The following NECTIN2 variants were observed in gnomAD, a reference collection of about 807,000 sequenced individuals.
NECTIN2 encodes the protein nectin-2.
NECTIN2 carries 23 observed loss-of-function variants against 56.9 expected under a neutral mutation model. The observed-to-expected ratio is 0.40, with a 90% CI of 0.29 to 0.57. The LOEUF (loss-of-function observed/expected upper bound fraction) is 0.57. Among genes scored for constraint, NECTIN2 ranks in the 20% least tolerant of loss-of-function variants. The pLI is 0.38. For synonymous variants in NECTIN2, 302 were observed against 313.8 expected (o/e 0.96, Z 0.40); for missense variants, 587 against 718.3 (o/e 0.82, Z 2.09).
intron 8 of NECTIN2, among the ~76,000 whole-genome samples, chr19:44,887,219 T>C (rs1049422691): frequency 1.3e-5 from 2 of 151,876 alleles, no homozygotes; most frequent in African/African-American, 4.8e-5. Context: ...ATGGGTGACA[T>C]GCTCCTGTAA....
chr19:44,847,473 G>A (rs542607884), intron 1 of NECTIN2, among the ~76,000 whole-genome samples: 1 of 152,234 alleles, frequency 6.6e-6, no homozygotes, highest in East Asian at 1.9e-4. Context: ...TTAATTGTAG[G>A]CAGAGGAACG....
chr19:44,882,363 G>T lies in NECTIN2; in HGVS notation c.1195G>T (p.Asp399Tyr). 7.0e-7 allele frequency: 1 copy of T among 1,436,454 alleles called. No homozygotes were observed. The highest frequency in any genetic ancestry group is 2.7e-5 in the East Asian group (1 of 36,536). The allele number at this position is 1,436,454 out of a possible 1,614,324, so 89.0% of individuals were successfully genotyped here. A position where few individuals can be genotyped will look rare whatever the true frequency, so the allele number is the denominator to read the frequency against. ...QTLQGAEEDEDLEGPPSYKPP... is the reference protein window; with the variant it reads ...QTLQGAEEDEYLEGPPSYKPP... ...GCTGCAGGGGGCAGAGGAGGACGAA[G>T]AGTAAGTGATGGGCCCTGAGACGGG... Residue 399 changes from aspartate (D) to tyrosine (Y), a missense_variant and splice_region_variant, in exon 6 of 9, where the codon GAC becomes TAC. Transcript: ENST00000252483.
chr19:44,862,764 C>T (rs1488297197), intron 1 of NECTIN2, among the ~76,000 whole-genome samples: 1 of 152,122 alleles, frequency 6.6e-6, no homozygotes, highest in Non-Finnish European at 1.5e-5. Context: ...CCTATAATCC[C>T]AGCACTTTGG....
chr19:44,873,560 G>A (rs751211488), intron 3 of NECTIN2, among the ~76,000 whole-genome samples: 20 of 152,180 alleles, frequency 1.3e-4, no homozygotes, highest in Middle Eastern at 3.4e-3. Flanking sequence ...TTGAGCCCAG[G>A]ACGTGGAGTT....
At chr19:44,881,580 C>T (rs958031875) in intron 5 of NECTIN2, among the ~76,000 whole-genome samples, 21 of 151,762 alleles carry the variant, frequency 1.4e-4, no homozygotes, top group African/African-American at 2.9e-4. Context: ...CCAGCCACTC[C>T]GGAGGGTGAG....
intron 2 of NECTIN2, among the ~76,000 whole-genome samples, chr19:44,869,054 G>A (rs181625364): frequency 3.3e-5 from 5 of 152,180 alleles, no homozygotes; most frequent in Non-Finnish European, 7.4e-5. Context: ...CTATCCTTGA[G>A]TAAACACTTC....
chr19:44,865,452 T>C lies in NECTIN2; in HGVS notation c.270T>C (p.Gly90=). 1 of 1,613,950 alleles carries C rather than the reference T, an allele frequency of 6.2e-7. No homozygotes were observed. The highest frequency in any genetic ancestry group is 1.1e-5 in the South Asian group (1 of 91,072). ...QNVAAFHPKM[G]PSFPSPKPGS... ...TGGCCGCCTTCCACCCTAAGATGGG[T>C]CCCAGCTTCCCCAGCCCGAAGCCTG... The change falls in exon 2 of 9, where the codon GGT becomes GGC. Residue 90 remains glycine, a synonymous_variant. Coordinates refer to ENST00000252483, the MANE Select transcript of NECTIN2 (RefSeq NM_001042724.2). This position sits in a 1 kb window ranked among gnomAD's most constrained non-coding sequence, Gnocchi z 5.2.
intron 1 of NECTIN2, among the ~76,000 whole-genome samples, chr19:44,861,512 T>G (rs1969031258): frequency 6.6e-6 from 1 of 152,190 alleles, no homozygotes; most frequent in South Asian, 2.1e-4. Context: ...AAATGGGATC[T>G]AATTAAACTA....
Position 44,885,978 on chromosome 19 carries a change from C to T in NECTIN2, c.1238C>T (p.Ala413Val), listed in dbSNP as rs762809930. The change falls in exon 7 of 9, where the codon GCG becomes GTG. Residue 413 changes from alanine (A) to valine (V), a missense_variant. Coordinates refer to ENST00000252483, the MANE Select transcript of NECTIN2 (RefSeq NM_001042724.2). Reference sequence around the variant, plus strand: ...TCCTACAAGCCACCGACCCCAAAAGCGAAGCTGGAGGCACAGGAGATGGTG... The same window carrying T: ...TCCTACAAGCCACCGACCCCAAAAGTGAAGCTGGAGGCACAGGAGATGGTG... Reference protein sequence around the residue: ...PPSYKPPTPKAKLEAQEMPSQ... With the variant: ...PPSYKPPTPKVKLEAQEMPSQ... 60 of 1,603,986 alleles carry T rather than the reference C, an allele frequency of 3.7e-5. No individual in the cohort carries two copies. Among genetic ancestry groups the T allele is most frequent in the African/African-American group, 2.5e-4 (19 of 74,634 alleles).
intron 8 of NECTIN2, 41 bp from the exon 9 acceptor site, chr19:44,888,069 T>C: frequency 6.3e-7 from 1 of 1,591,302 alleles, no homozygotes; most frequent in Non-Finnish European, 8.6e-7. Context: ...GTGTCGTGCG[T>C]AGGAAGTGAT....
chr19:44,878,151 TC>T (rs904815428), intron 5 of NECTIN2: 6 of 413,354 alleles, frequency 1.5e-5, no homozygotes, highest in African/African-American at 1.1e-4. Flanking sequence ...ACCCCCTCAC[TC>T]CCCAGAGCGA....
At chr19:44,884,520 T>C (rs965662028) in intron 6 of NECTIN2, among the ~76,000 whole-genome samples, 2 of 152,200 alleles carry the variant, frequency 1.3e-5, no homozygotes, top group Admixed American at 6.5e-5. Context: ...GTTACACCAC[T>C]GTCTTAATCA....
chr19:44,874,134 G>T lies in NECTIN2; in HGVS notation c.893+101G>T. The stretch of plus-strand genomic sequence containing the variant: ...GAGGGGCTGGGGGCCTGGACTCCTG[G>T]ATCTGAGGGAGGAGGGGCTGGGCCT... On this transcript the variant is annotated intron_variant, in intron 4 of 8. Coordinates refer to ENST00000252483, the MANE Select transcript of NECTIN2 (RefSeq NM_001042724.2). The surrounding 1 kb of genome is among the most constrained non-coding windows in gnomAD (Gnocchi z 6.3). The T allele has an allele frequency of 8.2e-7, 1 of 1,215,006 alleles. No homozygotes were observed. The highest frequency in any genetic ancestry group is 1.2e-6 in the Non-Finnish European group (1 of 866,062). 75.3% of individuals were successfully genotyped at this position (1,215,006 alleles called of 1,614,324 possible).
At chr19:44,866,173 TAA>T (rs57550705) in intron 2 of NECTIN2, among the ~76,000 whole-genome samples, 22 of 143,108 alleles carry the variant, frequency 1.5e-4, no homozygotes, top group Non-Finnish European at 2.3e-4. Flanking sequence ...AGACTCGGTC[TAA>T]AAAAAAAAAA....
rs192623646 is a variant in NECTIN2 at position 44,867,681 on chromosome 19, G to T, written c.478+2021G>T. 2.6e-5 allele frequency among the ~76,000 whole-genome samples: 4 copies of T among 152,308 alleles called. No homozygotes were observed. The East Asian group carries it at 7.7e-4, about 29-fold the overall frequency. On this transcript the variant is annotated intron_variant, in intron 2 of 8. Transcript: ENST00000252483. ...GAGGTGGGCATGAGATGGGAGCTGGGCGCGTTCCAGGAATGGAAAGGGGGC... is the reference window on the plus strand; with the variant it reads ...GAGGTGGGCATGAGATGGGAGCTGGTCGCGTTCCAGGAATGGAAAGGGGGC...
rs41290104 is a variant in NECTIN2, at chr19:44,871,907, C to G, written c.533C>G (p.Thr178Arg). The G allele has an allele frequency of 4.3e-6, 7 of 1,614,186 alleles. No individual in the cohort carries two copies. The highest frequency in any genetic ancestry group is 5.9e-6 in the Non-Finnish European group (7 of 1,180,026). Residue 178 changes from threonine (T) to arginine (R), a missense_variant, in exon 3 of 9, where the codon ACG becomes AGG. Thr to Arg is a moderately conservative substitution (Grantham distance 71). Coordinates refer to ENST00000252483, the MANE Select transcript of NECTIN2 (RefSeq NM_001042724.2). ...AQKVTFSQDP[T>R]TVALCISKEG... ...AAGGTCACGTTCAGCCAGGACCCTACGACAGTGGCCCTCTGCATCTCCAAA... is the reference window on the plus strand; with the variant it reads ...AAGGTCACGTTCAGCCAGGACCCTAGGACAGTGGCCCTCTGCATCTCCAAA...
chr19:44,858,125 G>T (rs139127126), intron 1 of NECTIN2, among the ~76,000 whole-genome samples: 15 of 152,172 alleles, frequency 9.9e-5, no homozygotes, highest in Admixed American at 5.9e-4. Flanking sequence ...GATACATTTC[G>T]CATAGCTCAG....
In NECTIN2 at chr19:44,846,524, C is replaced by T. The variant is rs765310015; in HGVS notation, c.-2C>T. On this transcript the variant is annotated 5_prime_UTR_variant, in exon 1 of 9. Coordinates refer to ENST00000252483, the MANE Select transcript of NECTIN2 (RefSeq NM_001042724.2). ...CGGGCCCAGTCCCCTCCCGGGCCCT[C>T]CATGGCCCGGGCCGCTGCCCTCCTG... 91 of 1,515,308 alleles carry T rather than the reference C, an allele frequency of 6.0e-5. No homozygotes were observed. The highest frequency in any genetic ancestry group is 4.6e-5 in the Non-Finnish European group (52 of 1,138,786). 93.9% of individuals were successfully genotyped at this position (1,515,308 alleles called of 1,614,324 possible). A position where few individuals can be genotyped will look rare whatever the true frequency, so the allele number is the denominator to read the frequency against.
At chr19:44,887,960 A>C in intron 8 of NECTIN2, 150 bp from the exon 9 acceptor site, 1 of 772,550 alleles carries the variant, frequency 1.3e-6, no homozygotes, top group Non-Finnish European at 2.1e-6. Context: ...TGAATGTCCC[A>C]GTGCAATATG....
Sources: gnomAD v4.1 joint callset for allele counts (sites outside exome capture counted in the v4.1 genomes callset) on GRCh38, gnomAD v4.1.1 for gene constraint, Gnocchi (gnomAD v3.1) non-coding constraint, MANE v1.5 for transcripts, NCBI Gene and HGNC (gene_info 2026-07-23, HGNC 2026-07-21) for gene names.